Variants in MAP6D1 observed in about 807,000 individuals in gnomAD.
The protein encoded by MAP6D1 is MAP6 domain containing 1.
A neutral mutation model predicts 17.4 loss-of-function variants in MAP6D1; 13 were observed. The ratio of observed to expected loss-of-function variants is 0.75; its 90% CI spans 0.49 to 1.19. The LOEUF (loss-of-function observed/expected upper bound fraction) is 1.19. Among genes scored for constraint, MAP6D1 ranks in the 50% most tolerant of loss-of-function variants. The pLI is 0.00. For synonymous variants in MAP6D1, 141 were observed against 145.7 expected, an observed-to-expected ratio of 0.97 and a Z score of 0.23; for missense variants, 313 against 312.6, an observed-to-expected ratio of 1.00 and a Z score of -0.01.
chr3:183,817,595 G>C (rs1203845479), intron 2 of MAP6D1, among the ~76,000 whole-genome samples, 159 bp from the exon 3 acceptor site: 1 of 152,160 alleles, frequency 6.6e-6, no homozygotes, highest in Non-Finnish European at 1.5e-5. Context: ...GTGAGCCATA[G>C]GCGTCACTGC....
At chr3:183,824,904 G>A (rs1375115967) in intron 1 of MAP6D1, among the ~76,000 whole-genome samples, 1 of 152,242 alleles carries the variant, frequency 6.6e-6, no homozygotes, top group South Asian at 2.1e-4. Flanking sequence ...CGAGGGCAGC[G>A]GTGCGCTCCC....
At chr3:183,820,680 A>T (rs1727226267) in intron 1 of MAP6D1, among the ~76,000 whole-genome samples, 1 of 152,024 alleles carries the variant, frequency 6.6e-6, no homozygotes, top group Non-Finnish European at 1.5e-5. Context: ...CGGGCGGATC[A>T]CGAGATCAGG....
intron 1 of MAP6D1, among the ~76,000 whole-genome samples, chr3:183,822,562 G>A (rs1311435011): frequency 1.3e-5 from 2 of 152,134 alleles, no homozygotes; most frequent in South Asian, 4.1e-4. Flanking sequence ...AACCACTTGG[G>A]TACCACCACC....
At position 183,817,293 on chromosome 3, in the gene MAP6D1, T is replaced by C. The variant is rs761922033; in HGVS notation, c.*63A>G. 2.8e-5 allele frequency: 42 copies of C among 1,492,486 alleles called. No individual in the cohort carries two copies. The highest frequency in any genetic ancestry group is 3.7e-5 in the Non-Finnish European group (40 of 1,095,184). The allele number at this position is 1,492,486 out of a possible 1,614,324, so 92.5% of individuals were successfully genotyped here. A position where few individuals can be genotyped will look rare whatever the true frequency, so the allele number is the denominator to read the frequency against. On this transcript the variant is annotated 3_prime_UTR_variant, in exon 3 of 3. Transcript: ENST00000318631. ...ATGCTCTCGCCCAGCCCCGCGGCAG[T>C]GGGTCCTGAGGCCGCTCCCCAGCCC...
rs1727363297 is a variant in MAP6D1 at position 183,825,329 on chromosome 3, G to T, written c.219C>A (p.Phe73Leu). Residue 73 changes from phenylalanine to leucine, a missense_variant, in exon 1 of 3, where the codon TTC becomes TTA. Coordinates refer to ENST00000318631, the MANE Select transcript of MAP6D1 (RefSeq NM_024871.4). ...GCCCGGCGGGCGTGGTCCACAAGCC[G>T]AAGTCCCGCTGGTACTGAGTGAGCG... Reference protein sequence around the residue: ...DVPLTQYQRDFGLWTTPAGPK... With the variant: ...DVPLTQYQRDLGLWTTPAGPK... 1 of 1,383,868 alleles carries T rather than the reference G, an allele frequency of 7.2e-7. No homozygotes were observed. The highest frequency in any genetic ancestry group is 1.7e-5 in the South Asian group (1 of 58,294). The allele number at this position is 1,383,868 out of a possible 1,614,324, so 85.7% of individuals were successfully genotyped here.
rs1237444698 is a variant in MAP6D1 at position 183,816,659 on chromosome 3, A to ATCAT, written c.*693_*696dup. 1 of 152,628 alleles carries ATCAT rather than the reference A, an allele frequency of 6.6e-6. No individual in the cohort carries two copies. The highest frequency in any genetic ancestry group is 6.5e-5 in the Admixed American group (1 of 15,348). The allele number at this position is 152,628 out of a possible 1,614,324, so 9.5% of individuals were successfully genotyped here. Reference sequence around the variant, plus strand: ...TCATCATCCTTATGTTAGCGGGAAAATCATTAGTAACAAAATGTGGATTCA... The same window carrying ATCAT: ...TCATCATCCTTATGTTAGCGGGAAAATCATTCATTAGTAACAAAATGTGGATTCA... On this transcript the variant is annotated 3_prime_UTR_variant, in exon 3 of 3. Transcript: ENST00000318631.
Position 183,817,327 on chromosome 3 carries a change from C to A in MAP6D1, c.*29G>T. 1.3e-6 allele frequency: 2 copies of A among 1,551,572 alleles called. No individual in the cohort carries two copies. Among genetic ancestry groups the A allele is most frequent in the Middle Eastern group, 2.1e-4 (1 of 4,798 alleles). ...AGGCCGCTCCCCAGCCCTGTCCTGT[C>A]GGCAGCCATGGTGTCACGGTGCAGG... On this transcript the variant is annotated 3_prime_UTR_variant, in exon 3 of 3. Transcript: ENST00000318631.
intron 1 of MAP6D1, among the ~76,000 whole-genome samples, chr3:183,819,655 G>A (rs1727200628): frequency 6.6e-6 from 1 of 152,222 alleles, no homozygotes; most frequent in African/African-American, 2.4e-5. Flanking sequence ...AGGCCTCCCT[G>A]CCTGCTGTGC....
intron 1 of MAP6D1, among the ~76,000 whole-genome samples, chr3:183,818,773 C>T (rs952392900): frequency 6.6e-6 from 1 of 152,178 alleles, no homozygotes; most frequent in Non-Finnish European, 1.5e-5. Flanking sequence ...GTGGCCTGGC[C>T]TTTGCACAGC....
chr3:183,822,733 G>C (rs1044520696), intron 1 of MAP6D1, among the ~76,000 whole-genome samples: 1 of 152,212 alleles, frequency 6.6e-6, no homozygotes, highest in East Asian at 1.9e-4. Context: ...GGGCAACACT[G>C]AGCCGCAGCG....
At chr3:183,817,860 G>T in intron 2 of MAP6D1, 134 bp downstream of exon 2, 1 of 763,768 alleles carries the variant, frequency 1.3e-6, no homozygotes, top group Non-Finnish European at 2.2e-6. Flanking sequence ...TTGGGTTTTT[G>T]TTCGGGACAT....
At position 183,825,389 on chromosome 3, in the gene MAP6D1, A is replaced by AG; in HGVS notation, c.158dup (p.Pro54SerfsTer131). 1 of 1,443,926 alleles carries AG rather than the reference A, an allele frequency of 6.9e-7. No individual in the cohort carries two copies. Among genetic ancestry groups the AG allele is most frequent in the Non-Finnish European group, 9.1e-7 (1 of 1,101,060 alleles). 89.4% of individuals were successfully genotyped at this position (1,443,926 alleles called of 1,614,324 possible). On this transcript the variant is annotated frameshift_variant, in exon 1 of 3. Coordinates refer to ENST00000318631, the MANE Select transcript of MAP6D1 (RefSeq NM_024871.4). LOFTEE classifies it high-confidence loss of function. ...GGCCGGAATCCCGGGCGCCCGCGGGAGGCTGGCCCCTGCGCGAGGCGGCGC... is the reference window on the plus strand; with the variant it reads ...GGCCGGAATCCCGGGCGCCCGCGGGAGGGCTGGCCCCTGCGCGAGGCGGCGC...
intron 1 of MAP6D1, among the ~76,000 whole-genome samples, chr3:183,822,293 A>AC (rs1474517829): frequency 9.8e-4 from 131 of 134,188 alleles, no homozygotes; most frequent in African/African-American, 3.7e-3. Flanking sequence ...ACACACACAC[A>AC]AAACCCCACA....
Position 183,822,230 on chromosome 3 carries a change from C to T in MAP6D1, c.401+2917G>A, listed in dbSNP as rs562089395. Among the ~76,000 whole-genome samples, 32 of 147,278 alleles carry T rather than the reference C, an allele frequency of 2.2e-4. No homozygotes were observed. The East Asian group carries it at 6.5e-3, about 30-fold the overall frequency. On this transcript the variant is annotated intron_variant, in intron 1 of 2. Transcript: ENST00000318631. The stretch of plus-strand genomic sequence containing the variant: ...GAGACCAGCCTGGGCAACATAAACC[C>T]CATCTCTAAAACACACACACACACA...
At position 183,818,033 on chromosome 3, in the gene MAP6D1, G is replaced by A; in HGVS notation, c.480C>T (p.His160=). The change falls in exon 2 of 3, where the codon CAC becomes CAT. Residue 160 remains histidine (H), a synonymous_variant. Coordinates refer to ENST00000318631, the MANE Select transcript of MAP6D1 (RefSeq NM_024871.4). ...KTKPARVITT[H]TSGWDSSPGA... Reference sequence around the variant, plus strand: ...CAGGGCTGCTGTCCCATCCCGAAGTGTGGGTTGTGATGACTCGGGCTGGTT... The same window carrying A: ...CAGGGCTGCTGTCCCATCCCGAAGTATGGGTTGTGATGACTCGGGCTGGTT... The A allele has an allele frequency of 6.2e-7, 1 of 1,614,208 alleles. No homozygotes were observed. The highest frequency in any genetic ancestry group is 8.5e-7 in the Non-Finnish European group (1 of 1,180,030).
Position 183,817,176 on chromosome 3 carries a change from GC to G in MAP6D1, c.*179del. 4.9e-6 allele frequency: 3 copies of G among 606,932 alleles called. No homozygotes were observed. Among genetic ancestry groups the G allele is most frequent in the Non-Finnish European group, 2.9e-6 (1 of 342,328 alleles). The allele number at this position is 606,932 out of a possible 1,614,324, so 37.6% of individuals were successfully genotyped here. A position where few individuals can be genotyped will look rare whatever the true frequency, so the allele number is the denominator to read the frequency against. ...GGATGCTTGAGGCTGAGCTGGGTGT[GC>G]CAAGTCCATCGGTGCATCTGCTCCA... On this transcript the variant is annotated 3_prime_UTR_variant, in exon 3 of 3. Transcript: ENST00000318631.
intron 1 of MAP6D1, among the ~76,000 whole-genome samples, chr3:183,820,886 A>G (rs1278213886): frequency 2.0e-5 from 3 of 151,560 alleles, no homozygotes; most frequent in South Asian, 2.1e-4. Context: ...CAGCTTGGGC[A>G]ACAAAGCAAG....
At position 183,817,423 on chromosome 3, in the gene MAP6D1, C is replaced by G; in HGVS notation, c.533G>C (p.Arg178Thr). ...GGAGGGGTTAGGAGTGAACTTCTTC[C>G]TCACCTCTGGGACCTGAAAAATGAA... ...PGAGFQVPEV[R>T]KKFTPNPSAI... is the part of the protein sequence containing the mutation. The change falls in exon 3 of 3, where the codon AGG becomes ACG. Residue 178 changes from arginine to threonine, a missense_variant. By Grantham distance (71) the Arg-to-Thr change is moderately conservative. Transcript: ENST00000318631. 6.4e-7 allele frequency: 1 copy of G among 1,565,052 alleles called. No individual in the cohort carries two copies. Among genetic ancestry groups the G allele is most frequent in the Non-Finnish European group, 8.7e-7 (1 of 1,154,168 alleles).
At chr3:183,817,860 G>A in intron 2 of MAP6D1, 134 bp downstream of exon 2, 1 of 763,768 alleles carries the variant, frequency 1.3e-6, no homozygotes, top group Non-Finnish European at 2.2e-6. Flanking sequence ...TTGGGTTTTT[G>A]TTCGGGACAT....
Sources: allele counts gnomAD v4.1 joint callset (sites outside exome capture counted in the v4.1 genomes callset), GRCh38; gene constraint gnomAD v4.1.1; transcripts MANE v1.5; gene names NCBI Gene and HGNC (gene_info 2026-07-23, HGNC 2026-07-21).